The following PHF20 variants were observed in gnomAD, a reference collection of about 807,000 sequenced individuals.
PHF20 encodes the protein glioma-expressed antigen 2.
A neutral mutation model predicts 113.5 loss-of-function variants in PHF20; 23 were observed. The ratio of observed to expected loss-of-function variants is 0.20; its 90% confidence interval spans 0.15 to 0.29. The LOEUF is 0.29. Among genes scored for constraint, PHF20 ranks in the 10% least tolerant of loss-of-function variants. The pLI is 1.00. For missense variants in PHF20, 943 were observed against 1,219.6 expected (o/e 0.77, Z 3.38); for synonymous variants, 434 against 457.3 (o/e 0.95, Z 0.65).
At chr20:35,894,962 C>G (rs558937208) in intron 9 of PHF20, among the ~76,000 whole-genome samples, 16 of 152,284 alleles carry the variant, frequency 1.1e-4, no homozygotes, top group African/African-American at 3.6e-4. Context: ...TCAAGTGATT[C>G]TCCTGCCTCG....
intron 1 of PHF20, among the ~76,000 whole-genome samples, chr20:35,786,031 C>CA (rs1289907333): frequency 0.017 from 1,303 of 74,776 alleles, 10 homozygotes; most frequent in South Asian, 0.022. Flanking sequence ...AACTCCATCT[C>CA]AAAAAAAAAA....
chr20:35,840,941 A>G (rs2042524539), intron 2 of PHF20, among the ~76,000 whole-genome samples: 1 of 152,194 alleles, frequency 6.6e-6, no homozygotes, highest in Non-Finnish European at 1.5e-5. Context: ...AACTGACCAC[A>G]CTTTTCCACA....
chr20:35,878,344 A>G (rs1568694113), intron 9 of PHF20: 1 of 348,512 alleles, frequency 2.9e-6, no homozygotes, highest in Non-Finnish European at 5.1e-6. Flanking sequence ...AACTATGAGA[A>G]TAGAGAGAAG....
chr20:35,917,757 C>A, intron 13 of PHF20, 95 bp downstream of exon 13: 2 of 1,063,172 alleles, frequency 1.9e-6, no homozygotes, highest in Non-Finnish European at 1.4e-6. Flanking sequence ...CATAGCAGAG[C>A]CCCAGAAACA....
chr20:35,836,971 A>G (rs908324617), intron 2 of PHF20, among the ~76,000 whole-genome samples: 3 of 152,142 alleles, frequency 2.0e-5, no homozygotes, highest in African/African-American at 7.2e-5. Context: ...GGAATTTGAG[A>G]CCAGCCTGAG....
chr20:35,788,150 G>A (rs1300620380), intron 1 of PHF20, among the ~76,000 whole-genome samples: 2 of 151,340 alleles, frequency 1.3e-5, no homozygotes, highest in East Asian at 2.0e-4. Context: ...AGGCTGGAGT[G>A]CAGTGGCGCG....
intron 9 of PHF20, among the ~76,000 whole-genome samples, chr20:35,877,138 A>G (rs2054541670): frequency 6.7e-6 from 1 of 148,382 alleles, no homozygotes; most frequent in Admixed American, 6.7e-5. Context: ...AAAGATACAA[A>G]AATTTGCTGG....
At chr20:35,859,825 A>G (rs941265499) in intron 5 of PHF20, among the ~76,000 whole-genome samples, 1 of 152,176 alleles carries the variant, frequency 6.6e-6, no homozygotes, top group Non-Finnish European at 1.5e-5. Context: ...GATTACAGGC[A>G]TGAGCCATTG....
chr20:35,913,149 G>A, intron 10 of PHF20, 100 bp from the exon 11 acceptor site: 1 of 680,530 alleles, frequency 1.5e-6, no homozygotes, highest in South Asian at 1.5e-5. Context: ...GACTTCCCAG[G>A]CAGAGCCAGA....
chr20:35,896,227 T>A (rs1378779010), intron 9 of PHF20, among the ~76,000 whole-genome samples: 3 of 152,036 alleles, frequency 2.0e-5, no homozygotes, highest in African/African-American at 7.2e-5. Context: ...TAAAATTACC[T>A]CTGATTATGG....
intron 9 of PHF20, among the ~76,000 whole-genome samples, chr20:35,896,818 A>G (rs1011324814): frequency 9.9e-5 from 15 of 151,616 alleles, no homozygotes; most frequent in African/African-American, 1.4e-4. Flanking sequence ...AAAAAAAAAA[A>G]AGTCCTTGTG....
At chr20:35,901,164 C>A (rs992538465) in intron 10 of PHF20, among the ~76,000 whole-genome samples, 6 of 152,016 alleles carry the variant, frequency 3.9e-5, no homozygotes, top group Non-Finnish European at 8.8e-5. Context: ...GTGGCTCACA[C>A]CTGAAATCCC....
chr20:35,906,826 G>A lies in PHF20; in HGVS notation c.1562-6423G>A, dbSNP rs536846040. ...GAGAAATAGTGTTGGGAAGGGCACT[G>A]CAGCCTTTACCACATGAGCTAAGAA... On this transcript the variant is annotated intron_variant, in intron 10 of 17. Coordinates refer to ENST00000374012, the MANE Select transcript of PHF20 (RefSeq NM_016436.5). Among the ~76,000 whole-genome samples, 36 of 152,302 alleles carry A rather than the reference G, an allele frequency of 2.4e-4. 1 individual carries two copies. In the Middle Eastern group the frequency reaches 0.017, roughly 72 times the overall value.
intron 10 of PHF20, among the ~76,000 whole-genome samples, chr20:35,900,505 G>A (rs1206447120): frequency 6.6e-6 from 1 of 152,098 alleles, no homozygotes; most frequent in South Asian, 2.1e-4. Flanking sequence ...CATTTATGCT[G>A]TCAAGACTTT....
At chr20:35,917,352 C>A in intron 12 of PHF20, 132 bp from the exon 13 acceptor site, 1 of 834,150 alleles carries the variant, frequency 1.2e-6, no homozygotes, top group Non-Finnish European at 2.0e-6. Flanking sequence ...GATTGGCATC[C>A]TCGTTTCCTT....
chr20:35,796,359 C>A (rs992603563), intron 1 of PHF20, among the ~76,000 whole-genome samples: 1 of 152,004 alleles, frequency 6.6e-6, no homozygotes, highest in Non-Finnish European at 1.5e-5. Context: ...TGAACTACAT[C>A]CAGTTTGCCC....
At chr20:35,888,075 G>C (rs968783357) in intron 9 of PHF20, among the ~76,000 whole-genome samples, 30 of 150,820 alleles carry the variant, frequency 2.0e-4, no homozygotes, top group African/African-American at 7.1e-4. Context: ...CCGCCTCCCT[G>C]GTTCAAGCAA....
intron 1 of PHF20, among the ~76,000 whole-genome samples, chr20:35,795,702 G>C (rs1354242782): frequency 6.6e-6 from 1 of 152,102 alleles, no homozygotes. Context: ...CTGAACTCAG[G>C]AGCTACTGGA....
At chr20:35,798,332 G>T (rs1047423466) in intron 1 of PHF20, among the ~76,000 whole-genome samples, 1 of 152,168 alleles carries the variant, frequency 6.6e-6, no homozygotes, top group East Asian at 1.9e-4. Flanking sequence ...AGGATCACAT[G>T]AGCCCAGGAA....
Sources: gnomAD v4.1 joint callset for allele counts (sites outside exome capture counted in the v4.1 genomes callset) on GRCh38, gnomAD v4.1.1 for gene constraint, MANE v1.5 for transcripts, NCBI Gene and HGNC (gene_info 2026-07-23, HGNC 2026-07-21) for gene names.